The following FBXL17 variants were observed in gnomAD, a reference collection of about 807,000 sequenced individuals.
FBXL17 encodes the protein F-box and leucine rich repeat protein 17, also known as F-box/LRR-repeat protein 17.
Under a neutral mutation model 66.2 loss-of-function variants are expected in FBXL17, and 22 were observed. The observed-to-expected ratio is 0.33, with a 90% CI of 0.24 to 0.47. The LOEUF (loss-of-function observed/expected upper bound fraction) is 0.47. Among genes scored for constraint, FBXL17 ranks in the 20% least tolerant of loss-of-function variants. FBXL17 has a pLI of 1.00. For missense variants in FBXL17, 878 were observed against 948.2 expected, an observed-to-expected ratio of 0.93 and a Z score of 0.97; for synonymous variants, 474 against 400.5, an observed-to-expected ratio of 1.18 and a Z score of -2.19.
intron 3 of FBXL17, among the ~76,000 whole-genome samples, chr5:108,356,980 C>T (rs1421843952): frequency 5.3e-5 from 8 of 151,988 alleles, no homozygotes; most frequent in African/African-American, 1.7e-4. Context: ...CAAAACTCCT[C>T]TTTTAAAGGC....
At chr5:108,134,733 T>C (rs1422233525) in intron 6 of FBXL17, among the ~76,000 whole-genome samples, 1 of 152,196 alleles carries the variant, frequency 6.6e-6, no homozygotes, top group Non-Finnish European at 1.5e-5. Context: ...ACTATATTGA[T>C]GTATCCGCTG....
At chr5:108,168,876 T>C (rs1266966829) in intron 6 of FBXL17, among the ~76,000 whole-genome samples, 1 of 151,844 alleles carries the variant, frequency 6.6e-6, no homozygotes, top group Admixed American at 6.6e-5. Context: ...TAAAGAAAAA[T>C]AAAACCATTC....
chr5:108,057,406 T>A (rs982710379), intron 6 of FBXL17, among the ~76,000 whole-genome samples: 1 of 152,126 alleles, frequency 6.6e-6, no homozygotes, highest in Non-Finnish European at 1.5e-5. Context: ...TTTCCCAGAG[T>A]TCTAAAAATG....
chr5:108,290,022 G>A (rs962657631), intron 4 of FBXL17, among the ~76,000 whole-genome samples: 1 of 152,136 alleles, frequency 6.6e-6, no homozygotes, highest in Non-Finnish European at 1.5e-5. Context: ...TCAGATAAGA[G>A]AAACCAAGGG....
At chr5:108,176,973 T>G (rs2150022377) in intron 6 of FBXL17, among the ~76,000 whole-genome samples, 1 of 152,292 alleles carries the variant, frequency 6.6e-6, no homozygotes, top group South Asian at 2.1e-4. Flanking sequence ...CAATTATTTC[T>G]TGCCAAAGGT....
intron 6 of FBXL17, among the ~76,000 whole-genome samples, chr5:108,124,771 T>C (rs189932976): frequency 2.0e-5 from 3 of 152,230 alleles, no homozygotes; most frequent in Admixed American, 2.0e-4. Flanking sequence ...TTTATAGGCA[T>C]ATAAAATTTG....
intron 7 of FBXL17, among the ~76,000 whole-genome samples, chr5:108,012,086 G>T (rs1051049878): frequency 6.6e-6 from 1 of 152,154 alleles, no homozygotes; most frequent in Non-Finnish European, 1.5e-5. Flanking sequence ...AGAAATTTGA[G>T]AAGTCATCTG....
intron 7 of FBXL17, among the ~76,000 whole-genome samples, chr5:108,004,647 T>C (rs529974993): frequency 5.9e-5 from 9 of 152,236 alleles, no homozygotes; most frequent in African/African-American, 2.2e-4. Flanking sequence ...GTTCTAGAGC[T>C]GGGAAAAACC....
intron 7 of FBXL17, among the ~76,000 whole-genome samples, chr5:108,016,967 C>T (rs1260706436): frequency 2.6e-5 from 4 of 151,810 alleles, no homozygotes; most frequent in East Asian, 1.9e-4. Context: ...TTAGTAGAGA[C>T]GGGGTTTTAC....
At chr5:108,055,146 CTT>C (rs1216001978) in intron 6 of FBXL17, among the ~76,000 whole-genome samples, 6 of 151,748 alleles carry the variant, frequency 4.0e-5, no homozygotes, top group South Asian at 4.2e-4. Context: ...TATTGTTCCT[CTT>C]GTTTTTTAAA....
chr5:108,298,361 A>G (rs1051100089), intron 4 of FBXL17: 1 of 982,666 alleles, frequency 1.0e-6, no homozygotes, highest in East Asian at 1.1e-4. Flanking sequence ...CTGTGCATAG[A>G]GAAAGTTATT....
chr5:108,112,342 T>C (rs1263744757), intron 6 of FBXL17, among the ~76,000 whole-genome samples: 1 of 152,178 alleles, frequency 6.6e-6, no homozygotes, highest in Non-Finnish European at 1.5e-5. Flanking sequence ...TGGATAGAAA[T>C]GACCTGCTAA....
At chr5:107,918,979 C>T (rs1750222626) in intron 7 of FBXL17, among the ~76,000 whole-genome samples, 1 of 152,158 alleles carries the variant, frequency 6.6e-6, no homozygotes, top group Admixed American at 6.5e-5. Context: ...GTGGGAGAGG[C>T]TGTGTGATGA....
intron 4 of FBXL17, among the ~76,000 whole-genome samples, chr5:108,282,077 A>T (rs1349757077): frequency 1.3e-5 from 2 of 151,906 alleles, no homozygotes; most frequent in African/African-American, 4.8e-5. Context: ...ATGGATTCAC[A>T]GCCAAATTAT....
chr5:108,066,805 T>G (rs1310706136), intron 6 of FBXL17, among the ~76,000 whole-genome samples: 1 of 152,046 alleles, frequency 6.6e-6, no homozygotes, highest in Non-Finnish European at 1.5e-5. Flanking sequence ...CTCACTTTTA[T>G]TCTCAATTCT....
intron 8 of FBXL17, among the ~76,000 whole-genome samples, chr5:107,869,906 G>C (rs937889563): frequency 1.3e-5 from 2 of 152,104 alleles, no homozygotes; most frequent in Non-Finnish European, 2.9e-5. Flanking sequence ...CTCATACATA[G>C]CAAACTTATG....
chr5:107,946,310 T>TATATATATA (rs1751292520), intron 7 of FBXL17, among the ~76,000 whole-genome samples: 21 of 107,398 alleles, frequency 2.0e-4, no homozygotes, highest in South Asian at 3.1e-4. Flanking sequence ...TATATATATA[T>TATATATATA]TAGTGACAGA....
At chr5:108,079,046 ACTATGTGG>A (rs905002282) in intron 6 of FBXL17, among the ~76,000 whole-genome samples, 3 of 151,566 alleles carry the variant, frequency 2.0e-5, no homozygotes, top group Non-Finnish European at 2.9e-5. Flanking sequence ...ACAGGGTCTC[ACTATGTGG>A]TCCAGGCTGG....
intron 6 of FBXL17, among the ~76,000 whole-genome samples, chr5:108,114,776 T>C (rs1028444235): frequency 6.6e-6 from 1 of 152,154 alleles, no homozygotes; most frequent in African/African-American, 2.4e-5. Flanking sequence ...ATTCACCACA[T>C]TTAAATTCTT....
Sources: allele counts gnomAD v4.1 joint callset (sites outside exome capture counted in the v4.1 genomes callset), GRCh38; gene constraint gnomAD v4.1.1; transcripts MANE v1.5; gene names NCBI Gene and HGNC (gene_info 2026-07-23, HGNC 2026-07-21).